Variants in CTNNA3 observed in about 807,000 individuals in gnomAD.
The protein encoded by CTNNA3 is catenin alpha-3.
CTNNA3 carries 76 observed loss-of-function variants against 95.7 expected under a neutral mutation model. The observed-to-expected ratio is 0.79, with a 90% CI of 0.66 to 0.96. The LOEUF (loss-of-function observed/expected upper bound fraction) is 0.96, where lower values mean the gene tolerates loss of function less well. Among genes scored for constraint, CTNNA3 ranks in the 40% least tolerant of loss-of-function variants. The pLI is 0.00. For synonymous variants in CTNNA3, 431 were observed against 374.4 expected (o/e 1.15, Z -1.74); for missense variants, 1,191 against 1,089.8 (o/e 1.09, Z -1.31).
chr10:66,254,090 C>T (rs1162045628), intron 13 of CTNNA3, among the ~76,000 whole-genome samples: 1 of 152,042 alleles, frequency 6.6e-6, no homozygotes, highest in African/African-American at 2.4e-5. Context: ...AAGCCTATTC[C>T]CTGAGACTTT....
At chr10:66,870,839 T>C (rs780617129) in intron 7 of CTNNA3, among the ~76,000 whole-genome samples, 2 of 152,138 alleles carry the variant, frequency 1.3e-5, no homozygotes, top group African/African-American at 4.8e-5. Context: ...CCATAGATTC[T>C]CATACCTAAA....
At chr10:66,327,346 G>A (rs2092266617) in intron 12 of CTNNA3, among the ~76,000 whole-genome samples, 1 of 151,990 alleles carries the variant, frequency 6.6e-6, no homozygotes, top group South Asian at 2.1e-4. Context: ...ACCATTTATT[G>A]CAAATCCTAA....
intron 9 of CTNNA3, among the ~76,000 whole-genome samples, chr10:66,752,065 C>T (rs1839165891): frequency 6.6e-6 from 1 of 152,024 alleles, no homozygotes; most frequent in Non-Finnish European, 1.5e-5. Flanking sequence ...CTATCTTAAT[C>T]TTAACAATAG....
intron 11 of CTNNA3, among the ~76,000 whole-genome samples, chr10:66,477,092 A>T (rs1427653059): frequency 6.6e-6 from 1 of 152,122 alleles, no homozygotes; most frequent in Admixed American, 6.6e-5. Context: ...TTTATAAATT[A>T]TATTTCATAA....
At chr10:67,288,728 G>A (rs1373053911) in intron 5 of CTNNA3, among the ~76,000 whole-genome samples, 2 of 152,118 alleles carry the variant, frequency 1.3e-5, no homozygotes, top group Non-Finnish European at 2.9e-5. Flanking sequence ...ACCTCCTTGT[G>A]ACCTGCTCAA....
In CTNNA3 at chr10:65,973,161, A is replaced by G. The variant is rs553357587; in HGVS notation, c.2266-6415T>C. 1.6e-4 allele frequency among the ~76,000 whole-genome samples: 25 copies of G among 152,340 alleles called. No individual in the cohort carries two copies. In the South Asian group the frequency reaches 4.3e-3, roughly 26 times the overall value. On this transcript the variant is annotated intron_variant, in intron 16 of 17. Transcript: ENST00000433211. ...CTGGCTAGCCAAAGGCAGAAGAATTAAACTGGACCCCTATTTTTCATCATC... is the reference window on the plus strand; with the variant it reads ...CTGGCTAGCCAAAGGCAGAAGAATTGAACTGGACCCCTATTTTTCATCATC...
chr10:66,601,435 A>G (rs746885561), intron 10 of CTNNA3, among the ~76,000 whole-genome samples: 42 of 152,062 alleles, frequency 2.8e-4, no homozygotes, highest in African/African-American at 9.6e-4. Context: ...ATGCAATATC[A>G]TATTGATAGC....
chr10:66,283,001 T>A (rs941607427), intron 12 of CTNNA3, among the ~76,000 whole-genome samples: 3 of 151,892 alleles, frequency 2.0e-5, no homozygotes, highest in Non-Finnish European at 4.4e-5. Flanking sequence ...TGTTAACAAC[T>A]GAAAAGCTCC....
intron 7 of CTNNA3, among the ~76,000 whole-genome samples, chr10:67,111,255 TACA>T (rs1564898214): frequency 6.6e-6 from 1 of 152,154 alleles, no homozygotes; most frequent in East Asian, 1.9e-4. Flanking sequence ...TGTCCAATTA[TACA>T]ACATTATAGA....
rs139866777 is a variant in CTNNA3, at chr10:66,822,611, A to G, written c.1048-47087T>C. Among the ~76,000 whole-genome samples the G allele has an allele frequency of 4.2e-3, 640 of 152,344 alleles. 6 individuals carry two copies. The highest frequency in any genetic ancestry group is 0.014 in the African/African-American group (580 of 41,580). The stretch of plus-strand genomic sequence containing the variant: ...GAAATAAAGTTCTGGCGACACTTCC[A>G]GTAACCTGTAATTAAACACTTTCAA... On this transcript the variant is annotated intron_variant, in intron 7 of 17. Transcript: ENST00000433211.
chr10:66,367,715 T>C (rs2092720124), intron 12 of CTNNA3, among the ~76,000 whole-genome samples: 1 of 148,784 alleles, frequency 6.7e-6, no homozygotes, highest in African/African-American at 2.4e-5. Flanking sequence ...GTCATATAGT[T>C]AGATTCATGA....
At chr10:67,243,520 T>A (rs559392336) in intron 5 of CTNNA3, among the ~76,000 whole-genome samples, 23 of 152,324 alleles carry the variant, frequency 1.5e-4, no homozygotes, top group Admixed American at 4.6e-4. Flanking sequence ...AATCTGGTCA[T>A]CACTCCTCCA....
At chr10:66,665,208 GAAGCTTACTT>G (rs1487597002) in intron 9 of CTNNA3, among the ~76,000 whole-genome samples, 1 of 84,962 alleles carries the variant, frequency 1.2e-5, no homozygotes, top group Non-Finnish European at 2.2e-5. Flanking sequence ...TTCAGTTAAT[GAAGCTTACTT>G]CAGCTCATTT....
rs1339257227 is a variant in CTNNA3 at position 66,601,185 on chromosome 10, C to A, written c.1374+20507G>T. Among the ~76,000 whole-genome samples, 3 of 151,720 alleles carry A rather than the reference C, an allele frequency of 2.0e-5. No homozygotes were observed. The East Asian group carries it at 5.8e-4, about 29-fold the overall frequency. ...TTCCTTTATAAACTTTCTTACCAAA[C>A]GCACAACCATAGCATGCCCAGAAGG... On this transcript the variant is annotated intron_variant, in intron 10 of 17. Coordinates refer to ENST00000433211, the MANE Select transcript of CTNNA3 (RefSeq NM_013266.4).
chr10:67,281,044 C>T (rs536235815), intron 5 of CTNNA3, among the ~76,000 whole-genome samples: 6 of 152,028 alleles, frequency 3.9e-5, no homozygotes, highest in South Asian at 2.1e-4. Flanking sequence ...CACATTTTTA[C>T]GTTTGACATT....
intron 7 of CTNNA3, among the ~76,000 whole-genome samples, chr10:67,089,985 C>G (rs962412313): frequency 6.6e-6 from 1 of 151,964 alleles, no homozygotes; most frequent in African/African-American, 2.4e-5. Context: ...TCATATGAAA[C>G]AAAATAATCA....
intron 11 of CTNNA3, among the ~76,000 whole-genome samples, chr10:66,483,793 A>G (rs1839626834): frequency 1.3e-5 from 2 of 152,150 alleles, no homozygotes; most frequent in Admixed American, 6.5e-5. Flanking sequence ...ACTCACCCTT[A>G]GAAATCGTTA....
chr10:66,042,769 G>A (rs1262970241), intron 15 of CTNNA3, among the ~76,000 whole-genome samples: 2 of 151,266 alleles, frequency 1.3e-5, no homozygotes, highest in Non-Finnish European at 3.0e-5. Flanking sequence ...GTGTGGTGGT[G>A]CATGCCTGTA....
intron 3 of CTNNA3, among the ~76,000 whole-genome samples, chr10:67,548,658 G>A (rs1840919802): frequency 6.6e-6 from 1 of 151,898 alleles, no homozygotes; most frequent in Admixed American, 6.6e-5. Flanking sequence ...AAAACTCTTA[G>A]AAAAAGAAAA....
Sources: gnomAD v4.1 joint callset for allele counts (sites outside exome capture counted in the v4.1 genomes callset) on GRCh38, gnomAD v4.1.1 for gene constraint, MANE v1.5 for transcripts, NCBI Gene and HGNC (gene_info 2026-07-23, HGNC 2026-07-21) for gene names.